The following PCDHGB2 variants were observed in gnomAD, a reference collection of about 807,000 sequenced individuals.
PCDHGB2 encodes the protein protocadherin gamma-B2.
PCDHGB2 carries 55 observed loss-of-function variants against 59.3 expected under a neutral mutation model. The ratio of observed to expected loss-of-function variants is 0.93; its 90% CI spans 0.75 to 1.16. The LOEUF is 1.16. PCDHGB2 is among the 50% of genes most tolerant of loss of function. PCDHGB2 has a pLI of 0.00. For missense variants in PCDHGB2, 1,228 were observed against 1,198.5 expected, an observed-to-expected ratio of 1.02 and a Z score of -0.36; for synonymous variants, 516 against 512.0, an observed-to-expected ratio of 1.01 and a Z score of -0.11.
At chr5:141,495,960 C>G (rs1380397345) in intron 2 of PCDHGB2, among the ~76,000 whole-genome samples, 2 of 151,998 alleles carry the variant, frequency 1.3e-5, no homozygotes, top group East Asian at 3.9e-4. Context: ...CTTTTTCTGC[C>G]TCTTTCTCTG....
intron 1 of PCDHGB2, chr5:141,422,091 G>C: frequency 6.2e-7 from 1 of 1,611,830 alleles, no homozygotes. Context: ...TGGAAAGCAA[G>C]GCTTCTGAAA....
intron 1 of PCDHGB2, chr5:141,410,343 G>A (rs890241182): frequency 6.2e-7 from 1 of 1,613,964 alleles, no homozygotes; most frequent in Non-Finnish European, 8.5e-7. Flanking sequence ...ATTGCCTTGC[G>A]CCTGCGACGC....
intron 1 of PCDHGB2, among the ~76,000 whole-genome samples, chr5:141,437,929 G>A (rs1479763331): frequency 6.6e-6 from 1 of 151,960 alleles, no homozygotes; most frequent in East Asian, 1.9e-4. Context: ...GTAGAGATGG[G>A]GTTTCACCAT....
intron 1 of PCDHGB2, among the ~76,000 whole-genome samples, chr5:141,472,145 A>G (rs1376068421): frequency 6.6e-6 from 1 of 152,244 alleles, no homozygotes; most frequent in Non-Finnish European, 1.5e-5. Flanking sequence ...TAAAAGTTTC[A>G]TGGTTACATA....
At chr5:141,447,244 A>G (rs1475037979) in intron 1 of PCDHGB2, among the ~76,000 whole-genome samples, 1 of 152,062 alleles carries the variant, frequency 6.6e-6, no homozygotes, top group South Asian at 2.1e-4. Flanking sequence ...GGTTCAAGTG[A>G]TTCTTCTGTC....
intron 3 of PCDHGB2, among the ~76,000 whole-genome samples, chr5:141,510,092 T>C (rs973542449): frequency 6.6e-6 from 1 of 152,138 alleles, no homozygotes; most frequent in South Asian, 2.1e-4. Flanking sequence ...TGGCACACAG[T>C]AGGTGCTCAA....
chr5:141,419,447 C>T (rs754931078), intron 1 of PCDHGB2: 8 of 1,613,016 alleles, frequency 5.0e-6, no homozygotes, highest in Non-Finnish European at 4.2e-6. Flanking sequence ...CACCTTCGAG[C>T]TCACGCTGCA....
intron 1 of PCDHGB2, among the ~76,000 whole-genome samples, chr5:141,449,229 A>G (rs1356585763): frequency 1.3e-5 from 2 of 152,142 alleles, no homozygotes; most frequent in South Asian, 2.1e-4. Context: ...AATGATTTCA[A>G]ATTTTCAAAG....
At chr5:141,483,179 G>C (rs2099577971) in intron 1 of PCDHGB2, among the ~76,000 whole-genome samples, 2 of 152,294 alleles carry the variant, frequency 1.3e-5, no homozygotes, top group African/African-American at 4.8e-5. Flanking sequence ...TTTGGGCCAA[G>C]CCAAGGAGTT....
chr5:141,360,321 A>C lies in PCDHGB2; in HGVS notation c.186A>C (p.Pro62=), dbSNP rs777240773. 6 of 1,614,004 alleles carry C rather than the reference A, an allele frequency of 3.7e-6. No individual in the cohort carries two copies. In the Admixed American group the frequency reaches 8.3e-5, roughly 22 times the overall value. The change falls in exon 1 of 4, where the codon CCA becomes CCC. Residue 62 remains proline (P), a synonymous_variant. Coordinates refer to ENST00000522605, the MANE Select transcript of PCDHGB2 (RefSeq NM_018923.3). ...KDLGLSVRDL[P]ARKLRVSAEK... ...TGGGGCTCAGCGTCCGGGACTTGCC[A>C]GCCCGGAAGCTGCGGGTTAGCGCGG...
At position 141,486,449 on chromosome 5, in the gene PCDHGB2, A is replaced by G; in HGVS notation, c.2422-8358A>G. On this transcript the variant is annotated intron_variant, in intron 1 of 3. Coordinates refer to ENST00000522605, the MANE Select transcript of PCDHGB2 (RefSeq NM_018923.3). The surrounding 1 kb of genome is among the most constrained non-coding windows in gnomAD (Gnocchi z 5.0). The stretch of plus-strand genomic sequence containing the variant: ...CAAATCTAGCTATGACATCATGGTC[A>G]CTGCTTCTGATGCTGGGAACCCTCC... The G allele has an allele frequency of 6.2e-7, 1 of 1,614,184 alleles. No homozygotes were observed. Among genetic ancestry groups the G allele is most frequent in the Non-Finnish European group, 8.5e-7 (1 of 1,180,000 alleles).
At position 141,489,108 on chromosome 5, in the gene PCDHGB2, A is replaced by C; in HGVS notation, c.2422-5699A>C. The C allele has an allele frequency of 2.0e-6, 1 of 489,086 alleles. No individual in the cohort carries two copies. The highest frequency in any genetic ancestry group is 3.5e-6 in the Non-Finnish European group (1 of 287,626). 30.3% of individuals were successfully genotyped at this position (489,086 alleles called of 1,614,324 possible). On this transcript the variant is annotated intron_variant, in intron 1 of 3. Transcript: ENST00000522605. This position sits in a 1 kb window ranked among gnomAD's most constrained non-coding sequence, Gnocchi z 4.5. The stretch of plus-strand genomic sequence containing the variant: ...TCGGTGACTAAGAACTGCTGCAAGC[A>C]GGCAAACCTCCGAGCAGTTTTTAAG...
intron 1 of PCDHGB2, chr5:141,478,786 C>T: frequency 6.8e-7 from 1 of 1,480,998 alleles, no homozygotes; most frequent in Non-Finnish European, 9.0e-7. Context: ...ACCTAATTCA[C>T]ATCCTCAGCA....
intron 1 of PCDHGB2, among the ~76,000 whole-genome samples, chr5:141,488,348 C>G (rs1231687770): frequency 3.2e-4 from 49 of 152,106 alleles, no homozygotes; most frequent in Admixed American, 3.2e-3. Context: ...TAGAAACAGC[C>G]ACCCTGTGCA....
At chr5:141,461,826 T>G (rs1466528519) in intron 1 of PCDHGB2, among the ~76,000 whole-genome samples, 2 of 151,912 alleles carry the variant, frequency 1.3e-5, no homozygotes, top group Non-Finnish European at 1.5e-5. Flanking sequence ...GCTAATTTTT[T>G]TTTCTTTTTT....
chr5:141,446,528 G>A (rs2098505974), intron 1 of PCDHGB2, among the ~76,000 whole-genome samples: 1 of 151,952 alleles, frequency 6.6e-6, no homozygotes, highest in South Asian at 2.1e-4. Flanking sequence ...CCAGGCTGGA[G>A]TGCAGTGGCC....
Position 141,431,428 on chromosome 5 carries a change from A to G in PCDHGB2, c.2422-63379A>G. The stretch of plus-strand genomic sequence containing the variant: ...CCGACGGGGGCGACCCGGTGCGCAC[A>G]GGCACCGCGCGCATCCGCGTGATGG... On this transcript the variant is annotated intron_variant, in intron 1 of 3. Transcript: ENST00000522605. This position sits in a 1 kb window ranked among gnomAD's most constrained non-coding sequence, Gnocchi z 4.8. The G allele has an allele frequency of 6.2e-7, 1 of 1,613,664 alleles. No individual in the cohort carries two copies. Among genetic ancestry groups the G allele is most frequent in the Non-Finnish European group, 8.5e-7 (1 of 1,179,998 alleles).
At chr5:141,464,035 C>T (rs564886798) in intron 1 of PCDHGB2, among the ~76,000 whole-genome samples, 1 of 152,066 alleles carries the variant, frequency 6.6e-6, no homozygotes, top group African/African-American at 2.4e-5. Context: ...GAGGCCAAGG[C>T]GGGTGGATCA....
chr5:141,394,083 G>T, intron 1 of PCDHGB2: 1 of 1,613,826 alleles, frequency 6.2e-7, no homozygotes, highest in Non-Finnish European at 8.5e-7. Flanking sequence ...CACAGTGATG[G>T]CCTCAGATCT....
Sources: allele counts gnomAD v4.1 joint callset (sites outside exome capture counted in the v4.1 genomes callset), GRCh38; gene constraint gnomAD v4.1.1; non-coding constraint Gnocchi (gnomAD v3.1); transcripts MANE v1.5; gene names NCBI Gene and HGNC (gene_info 2026-07-23, HGNC 2026-07-21).